Variants in KCNC2 observed in about 807,000 individuals in gnomAD.
The protein encoded by KCNC2 is potassium voltage-gated channel subfamily C member 2, also known as voltage-gated potassium channel KCNC2.
In KCNC2, 21 loss-of-function variants were observed where a neutral mutation model predicts 44.5. The ratio of observed to expected loss-of-function variants is 0.47; its 90% CI spans 0.33 to 0.68. The LOEUF is 0.68. Ranked by LOEUF, KCNC2 falls within the 30% of genes least tolerant of loss-of-function variation. The pLI is 0.01. For missense variants in KCNC2, 589 were observed against 826.2 expected (o/e 0.71, Z 3.52); for synonymous variants, 391 against 339.1 (o/e 1.15, Z -1.68).
At chr12:75,052,095 T>G (rs1250766463) in intron 2 of KCNC2, among the ~76,000 whole-genome samples, 1 of 152,058 alleles carries the variant, frequency 6.6e-6, no homozygotes. Flanking sequence ...CACACACACC[T>G]ACCACCAACA....
intron 4 of KCNC2, among the ~76,000 whole-genome samples, chr12:75,045,246 C>T (rs973837830): frequency 3.3e-5 from 5 of 151,924 alleles, no homozygotes; most frequent in Admixed American, 6.6e-5. Context: ...TCCTACAAGA[C>T]CCCCAGAAAG....
chr12:75,153,281 A>G (rs1329433428), intron 2 of KCNC2, among the ~76,000 whole-genome samples: 1 of 152,022 alleles, frequency 6.6e-6, no homozygotes, highest in Non-Finnish European at 1.5e-5. Flanking sequence ...TTTTTCTTAA[A>G]GTATGTGTAT....
chr12:75,148,907 C>G (rs1443701286), intron 2 of KCNC2, among the ~76,000 whole-genome samples: 2 of 151,746 alleles, frequency 1.3e-5, no homozygotes, highest in East Asian at 3.9e-4. Flanking sequence ...GAAATGCAAA[C>G]CTTTTTTAAA....
chr12:75,110,894 G>T (rs1021683270), intron 2 of KCNC2, among the ~76,000 whole-genome samples: 2 of 152,046 alleles, frequency 1.3e-5, no homozygotes, highest in Non-Finnish European at 2.9e-5. Context: ...TGCACAGGAA[G>T]TGGCCACTAA....
intron 2 of KCNC2, among the ~76,000 whole-genome samples, chr12:75,200,191 T>C (rs2031122847): frequency 6.6e-6 from 1 of 151,890 alleles, no homozygotes. Context: ...TTTGTGCATT[T>C]AGTGTTAAAC....
At chr12:75,080,228 T>G (rs906790519) in intron 2 of KCNC2, among the ~76,000 whole-genome samples, 1 of 152,140 alleles carries the variant, frequency 6.6e-6, no homozygotes, top group Non-Finnish European at 1.5e-5. Flanking sequence ...AGAAAAGTAA[T>G]TAAAATAACT....
At chr12:75,127,662 A>T (rs949253794) in intron 2 of KCNC2, among the ~76,000 whole-genome samples, 1 of 152,176 alleles carries the variant, frequency 6.6e-6, no homozygotes, top group East Asian at 1.9e-4. Flanking sequence ...ATGAGGAGGC[A>T]GGTGAAAGAG....
At chr12:75,144,095 GA>G (rs553781443) in intron 2 of KCNC2, among the ~76,000 whole-genome samples, 1 of 152,088 alleles carries the variant, frequency 6.6e-6, no homozygotes, top group South Asian at 2.1e-4. Context: ...ACCAAAAGGG[GA>G]AAAAAGCAGA....
At chr12:75,090,382 T>C (rs1030678571) in intron 2 of KCNC2, among the ~76,000 whole-genome samples, 4 of 151,736 alleles carry the variant, frequency 2.6e-5, no homozygotes, top group African/African-American at 9.7e-5. Context: ...ATATTTTTTT[T>C]CCTCTCCACC....
chr12:75,045,069 C>A (rs1880328050), intron 4 of KCNC2, among the ~76,000 whole-genome samples: 1 of 151,868 alleles, frequency 6.6e-6, no homozygotes, highest in Non-Finnish European at 1.5e-5. Context: ...AAAAAATTAT[C>A]CTATGCCATC....
chr12:75,182,995 G>A (rs1892706347), intron 2 of KCNC2, among the ~76,000 whole-genome samples: 2 of 152,202 alleles, frequency 1.3e-5, no homozygotes, highest in African/African-American at 4.8e-5. Context: ...CAGCAGAAGA[G>A]GGAAGACAGA....
chr12:75,183,228 G>C (rs1159127426), intron 2 of KCNC2, among the ~76,000 whole-genome samples: 1 of 152,202 alleles, frequency 6.6e-6, no homozygotes, highest in East Asian at 1.9e-4. Context: ...GTAACACAGT[G>C]TGAAAATTTT....
At chr12:75,084,290 T>TAGATAGATGATAGATAGATA (rs200893949) in intron 2 of KCNC2, among the ~76,000 whole-genome samples, 9 of 123,734 alleles carry the variant, frequency 7.3e-5, no homozygotes, top group South Asian at 2.8e-4. Flanking sequence ...GATAGATAGA[T>TAGATAGATGATAGATAGATA]GATAGATAGA....
chr12:75,136,051 T>A (rs1214002551), intron 2 of KCNC2, among the ~76,000 whole-genome samples: 1 of 152,022 alleles, frequency 6.6e-6, no homozygotes, highest in East Asian at 1.9e-4. Context: ...TTATCCTTTT[T>A]TTCTTGGTAT....
intron 2 of KCNC2, among the ~76,000 whole-genome samples, chr12:75,178,449 T>C (rs938613471): frequency 1.3e-5 from 2 of 152,094 alleles, no homozygotes; most frequent in African/African-American, 4.8e-5. Context: ...TCACTATTGA[T>C]GCTGAAGGCA....
At chr12:75,121,230 C>G (rs569559948) in intron 2 of KCNC2, among the ~76,000 whole-genome samples, 11 of 152,204 alleles carry the variant, frequency 7.2e-5, no homozygotes, top group Admixed American at 2.0e-4. Context: ...TTAATTACAG[C>G]TGCTTTGTTT....
At chr12:75,124,077 G>T (rs1047494104) in intron 2 of KCNC2, 2 of 152,106 alleles carry the variant, frequency 1.3e-5, no homozygotes, top group African/African-American at 4.8e-5. Flanking sequence ...TGTGTTCAGG[G>T]TTTGGTTCTG....
intron 2 of KCNC2, among the ~76,000 whole-genome samples, chr12:75,132,019 T>TA (rs1490050898): frequency 6.6e-6 from 1 of 152,168 alleles, no homozygotes; most frequent in Non-Finnish European, 1.5e-5. Context: ...GCCTTGTCTC[T>TA]AAAATCAGAA....
At chr12:75,111,743 G>A (rs543904676) in intron 2 of KCNC2, among the ~76,000 whole-genome samples, 91 of 151,906 alleles carry the variant, frequency 6.0e-4, no homozygotes, top group African/African-American at 2.0e-3. Flanking sequence ...CCTCAAAATC[G>A]ATAGACTAGA....
Sources: gnomAD v4.1 joint callset for allele counts (sites outside exome capture counted in the v4.1 genomes callset) on GRCh38, gnomAD v4.1.1 for gene constraint, MANE v1.5 for transcripts, NCBI Gene and HGNC (gene_info 2026-07-23, HGNC 2026-07-21) for gene names.